Variants in MTUS1 observed in about 807,000 individuals in gnomAD.
The protein encoded by MTUS1 is microtubule-associated tumor suppressor 1.
Under a neutral mutation model 120.8 loss-of-function variants are expected in MTUS1, and 109 were observed. That is an observed-to-expected ratio of 0.90 (90% CI 0.77 to 1.06). MTUS1 has a LOEUF of 1.06. MTUS1 is among the 50% of genes least tolerant of loss of function. The pLI, the probability that MTUS1 is intolerant of heterozygous loss-of-function variation, is 0.00. For missense variants in MTUS1, 2,210 were observed against 1,486.3 expected, an observed-to-expected ratio of 1.49 and a Z score of -8.01; for synonymous variants, 737 against 550.5, an observed-to-expected ratio of 1.34 and a Z score of -4.74.
intron 3 of MTUS1, among the ~76,000 whole-genome samples, chr8:17,732,073 C>T (rs1232273832): frequency 6.6e-6 from 1 of 152,198 alleles, no homozygotes; most frequent in Non-Finnish European, 1.5e-5. Flanking sequence ...GAGATGCCGT[C>T]CTTTGCTTCC....
In MTUS1 at chr8:17,753,904, T is replaced by A. The variant is rs1288003958; in HGVS notation, c.1904A>T (p.Gln635Leu). ...CETGSVSALF[Q>L]KIKGILPVKM... Reference sequence around the variant, plus strand: ...AACAGGGAGTATGCCTTTGATCTTCTGAAACAACGCAGAAACGGACCCGGT... The same window carrying A: ...AACAGGGAGTATGCCTTTGATCTTCAGAAACAACGCAGAAACGGACCCGGT... Residue 635 changes from glutamine to leucine, a missense_variant, in exon 2 of 15, where the codon CAG becomes CTG. Gln to Leu is a moderately radical substitution (Grantham distance 113). Transcript: ENST00000693296. 6.2e-7 allele frequency: 1 copy of A among 1,614,204 alleles called. No homozygotes were observed. The highest frequency in any genetic ancestry group is 1.7e-5 in the Admixed American group (1 of 60,018).
chr8:17,729,521 G>GAC (rs1399942825), intron 3 of MTUS1, among the ~76,000 whole-genome samples: 1 of 152,108 alleles, frequency 6.6e-6, no homozygotes, highest in African/African-American at 2.4e-5. Context: ...TGCACACATA[G>GAC]ACACACACAT....
chr8:17,709,454 T>A (rs937188758), intron 6 of MTUS1, among the ~76,000 whole-genome samples: 1 of 152,126 alleles, frequency 6.6e-6, no homozygotes, highest in Non-Finnish European at 1.5e-5. Flanking sequence ...TTAACTATCC[T>A]ATTAGCTCTC....
chr8:17,761,165 T>A (rs981478154), intron 1 of MTUS1, among the ~76,000 whole-genome samples: 2 of 152,130 alleles, frequency 1.3e-5, no homozygotes, highest in Non-Finnish European at 1.5e-5. Context: ...AGTAAATATG[T>A]GCTGAAAGAA....
chr8:17,742,574 G>C (rs1290697737), intron 3 of MTUS1, among the ~76,000 whole-genome samples: 1 of 151,996 alleles, frequency 6.6e-6, no homozygotes, highest in Non-Finnish European at 1.5e-5. Flanking sequence ...AGATCCTCTG[G>C]GGATGGAGCC....
intron 3 of MTUS1, among the ~76,000 whole-genome samples, chr8:17,735,780 C>G (rs969743441): frequency 6.6e-6 from 1 of 152,258 alleles, no homozygotes; most frequent in Non-Finnish European, 1.5e-5. Context: ...ACCTGTTGTG[C>G]AACCAGTACA....
intron 2 of MTUS1, among the ~76,000 whole-genome samples, chr8:17,751,581 C>A (rs1554520961): frequency 1.3e-5 from 2 of 151,910 alleles, no homozygotes; most frequent in Non-Finnish European, 2.9e-5. Flanking sequence ...AAGAGTAGGC[C>A]GGGGGCAGTG....
chr8:17,714,047 T>A (rs1821846534), intron 5 of MTUS1, among the ~76,000 whole-genome samples: 2 of 152,172 alleles, frequency 1.3e-5, no homozygotes, highest in Non-Finnish European at 2.9e-5. Context: ...AGTATCAAAG[T>A]TCAACAGCGT....
intron 7 of MTUS1, among the ~76,000 whole-genome samples, chr8:17,678,434 CA>C (rs397771880): frequency 3.3e-5 from 1 of 30,690 alleles, no homozygotes; most frequent in South Asian, 8.6e-4. Flanking sequence ...ATGAAATGCT[CA>C]AGAAAAAAAA....
intron 6 of MTUS1, among the ~76,000 whole-genome samples, chr8:17,686,194 C>T (rs1025543342): frequency 6.6e-6 from 1 of 152,304 alleles, no homozygotes; most frequent in South Asian, 2.1e-4. Context: ...ATGTAGACAA[C>T]TTCTATGGGA....
intron 1 of MTUS1, among the ~76,000 whole-genome samples, chr8:17,782,386 C>T (rs2050938271): frequency 1.3e-5 from 2 of 152,192 alleles, no homozygotes; most frequent in South Asian, 2.1e-4. Context: ...ACCAGAGATA[C>T]TATACACCTG....
At chr8:17,745,984 G>C (rs1563310247) in intron 2 of MTUS1, among the ~76,000 whole-genome samples, 1 of 152,162 alleles carries the variant, frequency 6.6e-6, no homozygotes, top group Non-Finnish European at 1.5e-5. Flanking sequence ...AAAAGGGTGT[G>C]TCACCTGCCC....
chr8:17,658,833 C>T (rs1809037739), intron 8 of MTUS1, among the ~76,000 whole-genome samples: 1 of 152,128 alleles, frequency 6.6e-6, no homozygotes, highest in South Asian at 2.1e-4. Context: ...ACCCAAGTCA[C>T]TTGCCCCCAG....
intron 6 of MTUS1, among the ~76,000 whole-genome samples, chr8:17,706,381 A>C (rs1488694751): frequency 6.6e-6 from 1 of 152,142 alleles, no homozygotes; most frequent in African/African-American, 2.4e-5. Context: ...CGAAGGTTTA[A>C]ACCAACATCC....
Position 17,675,211 on chromosome 8 carries a change from T to G in MTUS1, c.2880A>C (p.Glu960Asp). Reference protein sequence around the residue: ...ALKQHKTLSQELVNLRGELVT... With the variant: ...ALKQHKTLSQDLVNLRGELVT... ...CTAGCTCTCCCCGGAGGTTAACAAG[T>G]TCTTGAGATAGGGTTTTGTGTTGTT... Residue 960 changes from glutamate (E) to aspartate (D), a missense_variant, in exon 8 of 15, where the codon GAA (glutamate) becomes GAC (aspartate). Coordinates refer to ENST00000693296, the MANE Select transcript of MTUS1 (RefSeq NM_001363059.2). 6 of 1,614,140 alleles carry G rather than the reference T, an allele frequency of 3.7e-6. No homozygotes were observed. Among genetic ancestry groups the G allele is most frequent in the Non-Finnish European group, 5.1e-6 (6 of 1,180,024 alleles).
intron 8 of MTUS1, among the ~76,000 whole-genome samples, chr8:17,661,194 G>C (rs985360008): frequency 2.6e-5 from 4 of 152,102 alleles, no homozygotes; most frequent in Non-Finnish European, 4.4e-5. Context: ...TGTGAATCTC[G>C]TATTAGAACT....
chr8:17,690,280 A>G (rs1373356036), intron 6 of MTUS1, among the ~76,000 whole-genome samples: 2 of 152,234 alleles, frequency 1.3e-5, no homozygotes, highest in Non-Finnish European at 2.9e-5. Context: ...AACATACGAA[A>G]AAATGCTCAA....
intron 4 of MTUS1, among the ~76,000 whole-genome samples, chr8:17,719,025 C>A (rs768611534): frequency 6.6e-5 from 10 of 152,016 alleles, no homozygotes; most frequent in Non-Finnish European, 1.3e-4. Flanking sequence ...CAAATATTAG[C>A]TGGACGTGGT....
intron 7 of MTUS1, among the ~76,000 whole-genome samples, chr8:17,681,354 C>T (rs878927547): frequency 6.6e-6 from 1 of 152,050 alleles, no homozygotes; most frequent in Non-Finnish European, 1.5e-5. Context: ...GGACAGCAAC[C>T]CAGTAATGAT....
Sources: allele counts gnomAD v4.1 joint callset (sites outside exome capture counted in the v4.1 genomes callset), GRCh38; gene constraint gnomAD v4.1.1; transcripts MANE v1.5; gene names NCBI Gene and HGNC (gene_info 2026-07-23, HGNC 2026-07-21).